The following F10 variants were observed in gnomAD, a reference collection of about 807,000 sequenced individuals.
F10 encodes coagulation factor X.
Under a neutral mutation model 37.1 loss-of-function variants are expected in F10, and 29 were observed. That is an observed-to-expected ratio of 0.78 (90% CI 0.58 to 1.07). The LOEUF is 1.07. Ranked by LOEUF, F10 falls within the 50% of genes least tolerant of loss-of-function variation. F10 has a pLI of 0.00. For synonymous variants in F10, 262 were observed against 268.6 expected (o/e 0.98, Z 0.24); for missense variants, 539 against 667.9 (o/e 0.81, Z 2.13).
In F10 at chr13:113,139,461, T is replaced by C. The variant is rs1411109702; in HGVS notation, c.361T>C (p.Cys121Arg). ...TTTAGAAGGATTCGAAGGCAAAAAC[T>C]GTGAATTATGTAGGTTCCTCTGCTT... ...TCLEGFEGKN[C>R]ELFTRKLCSL... The change falls in exon 4 of 8, where the codon TGT becomes CGT. Residue 121 changes from cysteine (C) to arginine (R), a missense_variant. This residue lies in a region of F10 where 409 missense variants were observed against 547.9 expected (regional missense o/e 0.75). Transcript: ENST00000375559. This position sits in a 1 kb window ranked among gnomAD's most constrained non-coding sequence, Gnocchi z 5.2. 1.2e-6 allele frequency: 2 copies of C among 1,613,306 alleles called. No homozygotes were observed. Among genetic ancestry groups the C allele is most frequent in the East Asian group, 4.5e-5 (2 of 44,876 alleles).
In F10 at chr13:113,122,976, G is replaced by T. The variant is rs763935393; in HGVS notation, c.70+51G>T. ...CAAAAGCAGCGCCAGGGAGCAGGGA[G>T]GGGCGGCAGTTGGGGAAACCCTCTC... On this transcript the variant is annotated intron_variant, in intron 1 of 7. Coordinates refer to ENST00000375559, the MANE Select transcript of F10 (RefSeq NM_000504.4). The T allele has an allele frequency of 1.9e-6, 3 of 1,590,790 alleles. No individual in the cohort carries two copies. The South Asian group carries it at 3.3e-5, about 18-fold the overall frequency.
At position 113,144,221 on chromosome 13, in the gene F10, G is replaced by A. The variant is rs563296265; in HGVS notation, c.747+126G>A. On this transcript the variant is annotated intron_variant, in intron 6 of 7. Transcript: ENST00000375559. The surrounding 1 kb of genome is among the most constrained non-coding windows in gnomAD (Gnocchi z 6.4). ...GAACTGTTCCGAACTAGGACAGAGG[G>A]GCTCCGCCACCCAAGCCTGCCTGCC... The A allele has an allele frequency of 9.7e-6, 14 of 1,448,874 alleles. No homozygotes were observed. The East Asian group carries it at 2.6e-4, about 27-fold the overall frequency. 89.8% of individuals were successfully genotyped at this position (1,448,874 alleles called of 1,614,324 possible). A position where few individuals can be genotyped will look rare whatever the true frequency, so the allele number is the denominator to read the frequency against.
Position 113,144,133 on chromosome 13 carries a change from C to A in F10, c.747+38C>A, listed in dbSNP as rs757944461. The A allele has an allele frequency of 8.1e-6, 13 of 1,611,922 alleles. No homozygotes were observed. The South Asian group carries it at 1.4e-4, about 18-fold the overall frequency. ...TGTCCCCTCGGGCCTGCTGGAGAGA[C>A]CACCTGTCCCGCTGTGCACCTCGGG... On this transcript the variant is annotated intron_variant, in intron 6 of 7. Transcript: ENST00000375559. The surrounding 1 kb of genome is among the most constrained non-coding windows in gnomAD (Gnocchi z 6.4).
Position 113,126,683 on chromosome 13 carries a change from A to G in F10, c.71-2769A>G, listed in dbSNP as rs919341362. On this transcript the variant is annotated intron_variant, in intron 1 of 7. Coordinates refer to ENST00000375559, the MANE Select transcript of F10 (RefSeq NM_000504.4). ...AGAAGGTACCAAGAGAGGTGTTCAC[A>G]TGGAGGTGCGTCAGAACACCGAGGG... Among the ~76,000 whole-genome samples the G allele has an allele frequency of 1.1e-4, 17 of 152,208 alleles. 1 individual carries two copies. The highest frequency in any genetic ancestry group is 2.9e-5 in the Non-Finnish European group (2 of 68,034).
At position 113,141,198 on chromosome 13, in the gene F10, CT is replaced by C; in HGVS notation, c.502+149del. 1 of 1,163,498 alleles carries C rather than the reference CT, an allele frequency of 8.6e-7. No individual in the cohort carries two copies. Among genetic ancestry groups the C allele is most frequent in the Non-Finnish European group, 1.2e-6 (1 of 819,242 alleles). The allele number at this position is 1,163,498 out of a possible 1,614,324, so 72.1% of individuals were successfully genotyped here. ...CAAGAGGACAGGACTGAGCCCTGGG[CT>C]CCGGGCCCAGGTGGTTCAAACATGA... On this transcript the variant is annotated intron_variant, in intron 5 of 7. Transcript: ENST00000375559. The surrounding 1 kb of genome is among the most constrained non-coding windows in gnomAD (Gnocchi z 5.4).
chr13:113,146,708 A>G lies in F10; in HGVS notation c.748-671A>G, dbSNP rs543514665. Among the ~76,000 whole-genome samples, 35 of 152,332 alleles carry G rather than the reference A, an allele frequency of 2.3e-4. No homozygotes were observed. Among genetic ancestry groups the G allele is most frequent in the African/African-American group, 8.4e-4 (35 of 41,576 alleles). ...AAGACTCGGTATTGTCAGTAGTTTC[A>G]TTGGTCTGTACATGTGCCCAGCCAC... On this transcript the variant is annotated intron_variant, in intron 6 of 7. Transcript: ENST00000375559. This position sits in a 1 kb window ranked among gnomAD's most constrained non-coding sequence, Gnocchi z 4.5.
chr13:113,132,588 G>A (rs1210793998), intron 2 of F10, among the ~76,000 whole-genome samples: 2 of 152,190 alleles, frequency 1.3e-5, no homozygotes. Flanking sequence ...CTCCCACTGA[G>A]TGTAGCTCCA....
intron 6 of F10, among the ~76,000 whole-genome samples, chr13:113,145,862 A>G (rs533646470): frequency 6.6e-6 from 1 of 152,292 alleles, no homozygotes; most frequent in African/African-American, 2.4e-5. Flanking sequence ...GGTCCCTCCC[A>G]CAACACACGG....
intron 1 of F10, 44 bp downstream of exon 1, chr13:113,122,969 G>A (rs1354662745): frequency 6.3e-7 from 1 of 1,596,236 alleles, no homozygotes; most frequent in Non-Finnish European, 8.5e-7. Flanking sequence ...GCGCCAGGGA[G>A]CAGGGAGGGG....
Position 113,139,175 on chromosome 13 carries a change from C to T in F10, c.257-182C>T, listed in dbSNP as rs183771272. Reference sequence around the variant, plus strand: ...GTGATCCACCTAGATAAAGGCATCACGTACACATGGCCACAAAAGGGGGTG... The same window carrying T: ...GTGATCCACCTAGATAAAGGCATCATGTACACATGGCCACAAAAGGGGGTG... On this transcript the variant is annotated intron_variant, in intron 3 of 7. Transcript: ENST00000375559. The surrounding 1 kb of genome is among the most constrained non-coding windows in gnomAD (Gnocchi z 5.2). Among the ~76,000 whole-genome samples the T allele has an allele frequency of 2.0e-5, 3 of 152,296 alleles. No homozygotes were observed. Among genetic ancestry groups the T allele is most frequent in the East Asian group, 1.9e-4 (1 of 5,192 alleles).
In F10 at chr13:113,139,375, C is replaced by G; in HGVS notation, c.275C>G (p.Thr92Ser). ...TTTGCAGATGGCGACCAGTGTGAGA[C>G]CAGTCCTTGCCAGAACCAGGGCAAA... ...NKYKDGDQCE[T>S]SPCQNQGKCK... Residue 92 changes from threonine to serine, a missense_variant, in exon 4 of 8, where the codon ACC (threonine) becomes AGC (serine). Thr to Ser is a moderately conservative substitution (Grantham distance 58). This residue lies in a region of F10 where 130 missense variants were observed against 120.0 expected (regional missense o/e 1.08). Coordinates refer to ENST00000375559, the MANE Select transcript of F10 (RefSeq NM_000504.4). This position sits in a 1 kb window ranked among gnomAD's most constrained non-coding sequence, Gnocchi z 5.2. The G allele has an allele frequency of 6.2e-7, 1 of 1,613,814 alleles. No homozygotes were observed. The highest frequency in any genetic ancestry group is 2.2e-5 in the East Asian group (1 of 44,874).
chr13:113,140,275 G>T (rs2036515274), intron 4 of F10, among the ~76,000 whole-genome samples: 1 of 151,630 alleles, frequency 6.6e-6, no homozygotes, highest in Non-Finnish European at 1.5e-5. Context: ...TGGAGACGGG[G>T]TTTCACCGTG....
intron 2 of F10, among the ~76,000 whole-genome samples, chr13:113,136,673 C>T (rs1255402644): frequency 0.19 from 816 of 4,232 alleles, 79 homozygotes; most frequent in Middle Eastern, 0.5. Context: ...TTTTTTGAGA[C>T]GGAGTCTCGC....
intron 2 of F10, chr13:113,130,115 C>G: frequency 4.8e-6 from 1 of 207,650 alleles, no homozygotes; most frequent in Non-Finnish European, 9.6e-6. Flanking sequence ...GAAGCACTAG[C>G]ACTGAGGCCG....
Position 113,122,965 on chromosome 13 carries a change from G to A in F10, c.70+40G>A. 1.9e-6 allele frequency: 3 copies of A among 1,601,036 alleles called. No homozygotes were observed. The Middle Eastern group carries it at 5.0e-4, about 269-fold the overall frequency. On this transcript the variant is annotated intron_variant, in intron 1 of 7. Transcript: ENST00000375559. ...CCCTTCAGACCCAAAAGCAGCGCCA[G>A]GGAGCAGGGAGGGGCGGCAGTTGGG...
intron 1 of F10, among the ~76,000 whole-genome samples, chr13:113,124,703 T>C (rs1032107097): frequency 6.6e-6 from 1 of 152,218 alleles, no homozygotes; most frequent in Non-Finnish European, 1.5e-5. Flanking sequence ...GTCACGGAAG[T>C]TCTTCTGGGG....
chr13:113,143,740 C>G lies in F10; in HGVS notation c.503-111C>G. ...TGCAAGCCCGCTGCCCCTCCGGGTG[C>G]CCCTGCGCTCTGCCTCCCGGCTCTC... On this transcript the variant is annotated intron_variant, in intron 5 of 7. Transcript: ENST00000375559. The surrounding 1 kb of genome is among the most constrained non-coding windows in gnomAD (Gnocchi z 6.8). 1.3e-6 allele frequency: 2 copies of G among 1,511,258 alleles called. No individual in the cohort carries two copies. The highest frequency in any genetic ancestry group is 1.8e-5 in the Admixed American group (1 of 55,492). The allele number at this position is 1,511,258 out of a possible 1,614,324, so 93.6% of individuals were successfully genotyped here. A position where few individuals can be genotyped will look rare whatever the true frequency, so the allele number is the denominator to read the frequency against.
intron 7 of F10, among the ~76,000 whole-genome samples, 172 bp downstream of exon 7, chr13:113,147,668 G>A (rs1161717211): frequency 6.6e-6 from 1 of 152,182 alleles, no homozygotes; most frequent in Admixed American, 6.5e-5. Flanking sequence ...GCAGAGGAAG[G>A]GGAAGAGTGG....
At chr13:113,128,892 A>T (rs2036397050) in intron 1 of F10, 1 of 152,142 alleles carries the variant, frequency 6.6e-6, no homozygotes. Context: ...AAGAGAAAAA[A>T]AAAAAAAAAA....
Sources: gnomAD v4.1 joint callset for allele counts (sites outside exome capture counted in the v4.1 genomes callset) on GRCh38, gnomAD v4.1.1 for gene constraint, gnomAD v4.1.1 regional missense constraint, Gnocchi (gnomAD v3.1) non-coding constraint, MANE v1.5 for transcripts, NCBI Gene and HGNC (gene_info 2026-07-23, HGNC 2026-07-21) for gene names.